Variants in COL26A1 observed in about 807,000 individuals in gnomAD.
COL26A1 encodes collagen type XXVI alpha 1 chain.
Under a neutral mutation model 59.3 loss-of-function variants are expected in COL26A1, and 41 were observed. That is an observed-to-expected ratio of 0.69 (90% confidence interval 0.54 to 0.90). The LOEUF (loss-of-function observed/expected upper bound fraction) is 0.90, where lower values mean the gene tolerates loss of function less well. Ranked by LOEUF, COL26A1 falls within the 40% of genes least tolerant of loss-of-function variation. The pLI, the probability that COL26A1 is intolerant of heterozygous loss-of-function variation, is 0.00. For synonymous variants in COL26A1, 266 were observed against 256.0 expected, an observed-to-expected ratio of 1.04 and a Z score of -0.37; for missense variants, 612 against 602.3, an observed-to-expected ratio of 1.02 and a Z score of -0.17.
chr7:101,518,195 T>C (rs1795070401), intron 3 of COL26A1, among the ~76,000 whole-genome samples: 1 of 152,154 alleles, frequency 6.6e-6, no homozygotes, highest in Admixed American at 6.5e-5. Context: ...TCTTGCTGTA[T>C]TTTTGGGAAT....
chr7:101,367,897 G>A (rs1373630236), intron 1 of COL26A1, among the ~76,000 whole-genome samples: 1 of 152,188 alleles, frequency 6.6e-6, no homozygotes, highest in African/African-American at 2.4e-5. Flanking sequence ...CGGCAACCTT[G>A]AGCTGACTAA....
At chr7:101,370,328 A>G (rs183601565) in intron 1 of COL26A1, among the ~76,000 whole-genome samples, 1 of 152,278 alleles carries the variant, frequency 6.6e-6, no homozygotes, top group East Asian at 1.9e-4. Context: ...ATTTAAAAGT[A>G]TAAAATCAAG....
intron 1 of COL26A1, among the ~76,000 whole-genome samples, chr7:101,408,511 G>T (rs755418639): frequency 2.6e-5 from 4 of 152,180 alleles, no homozygotes; most frequent in Non-Finnish European, 5.9e-5. Flanking sequence ...TCTCAATGCA[G>T]GGGATCTGGG....
At chr7:101,381,316 C>T (rs1288911763) in intron 1 of COL26A1, among the ~76,000 whole-genome samples, 1 of 152,120 alleles carries the variant, frequency 6.6e-6, no homozygotes, top group African/African-American at 2.4e-5. Context: ...CCTCCTTTCT[C>T]TCTGACTTTG....
chr7:101,517,448 G>C (rs1261893473), intron 3 of COL26A1, among the ~76,000 whole-genome samples: 1 of 152,152 alleles, frequency 6.6e-6, no homozygotes, highest in East Asian at 1.9e-4. Context: ...GAGGTGACTT[G>C]CTCCTCCTTG....
At chr7:101,424,636 A>T (rs1189705714) in intron 2 of COL26A1, among the ~76,000 whole-genome samples, 1 of 152,168 alleles carries the variant, frequency 6.6e-6, no homozygotes, top group Non-Finnish European at 1.5e-5. Flanking sequence ...GGAGAGGTTA[A>T]CACAGTTTTC....
chr7:101,547,279 C>G (rs1735772104), intron 8 of COL26A1, 40 bp downstream of exon 8: 14 of 1,426,076 alleles, frequency 9.8e-6, no homozygotes, highest in African/African-American at 1.4e-5. Context: ...AGGACTCCAT[C>G]CCCCCAGGGC....
At chr7:101,484,946 C>T (rs891527312) in intron 3 of COL26A1, among the ~76,000 whole-genome samples, 3 of 152,080 alleles carry the variant, frequency 2.0e-5, no homozygotes, top group Non-Finnish European at 4.4e-5. Context: ...CCTCTGCCTC[C>T]TGGGTTCAGA....
chr7:101,443,563 GAAGTT>G (rs760966783), intron 2 of COL26A1, among the ~76,000 whole-genome samples: 14 of 152,146 alleles, frequency 9.2e-5, no homozygotes, highest in Admixed American at 7.2e-4. Context: ...TAAATTTTGT[GAAGTT>G]ATGTAGTTTT....
chr7:101,447,622 C>T, intron 2 of COL26A1, 62 bp from the exon 3 acceptor site: 1 of 1,139,094 alleles, frequency 8.8e-7, no homozygotes, highest in Non-Finnish European at 1.3e-6. Context: ...ATCTTTGCAG[C>T]AGTGGGGTCT....
intron 4 of COL26A1, among the ~76,000 whole-genome samples, chr7:101,536,616 C>G (rs1795488652): frequency 6.6e-6 from 1 of 152,240 alleles, no homozygotes; most frequent in African/African-American, 2.4e-5. Context: ...AAAACAGCAG[C>G]AACCCAGAGC....
intron 10 of COL26A1, among the ~76,000 whole-genome samples, chr7:101,553,040 C>T (rs377146999): frequency 2.0e-5 from 3 of 152,200 alleles, no homozygotes; most frequent in East Asian, 1.9e-4. Context: ...ATGAACTTGC[C>T]GGCTTCCTAG....
chr7:101,505,167 C>T (rs894015385), intron 3 of COL26A1, among the ~76,000 whole-genome samples: 6 of 151,518 alleles, frequency 4.0e-5, no homozygotes, highest in South Asian at 2.1e-4. Context: ...TGGGTGTGCA[C>T]GTGTGTAGAT....
chr7:101,444,822 T>C (rs1345345216), intron 2 of COL26A1, among the ~76,000 whole-genome samples: 1 of 146,136 alleles, frequency 6.8e-6, no homozygotes, highest in Admixed American at 7.3e-5. Flanking sequence ...GAGGGGACTT[T>C]ATTTTTTATT....
intron 3 of COL26A1, among the ~76,000 whole-genome samples, chr7:101,517,798 A>ATTTTTTTTTTTTTTTT (rs869245512): frequency 1.3e-5 from 1 of 76,892 alleles, no homozygotes; most frequent in Admixed American, 1.7e-4. Flanking sequence ...TTCTCCCCGC[A>ATTTTTTTTTTTTTTTT]TTTTTTTTTT....
At chr7:101,444,420 T>C (rs973743802) in intron 2 of COL26A1, among the ~76,000 whole-genome samples, 13 of 148,414 alleles carry the variant, frequency 8.8e-5, no homozygotes, top group African/African-American at 1.5e-4. Context: ...CTTTCTTCTT[T>C]TTTTTTTTTT....
At chr7:101,387,045 C>G (rs939588039) in intron 1 of COL26A1, among the ~76,000 whole-genome samples, 1 of 152,132 alleles carries the variant, frequency 6.6e-6, no homozygotes, top group Admixed American at 6.6e-5. Flanking sequence ...GCCTGCTTTG[C>G]TGACAGCGGG....
intron 4 of COL26A1, among the ~76,000 whole-genome samples, chr7:101,538,233 C>T (rs1368714292): frequency 2.0e-5 from 3 of 152,174 alleles, no homozygotes; most frequent in African/African-American, 7.2e-5. Flanking sequence ...GTGGCTGGGG[C>T]AGGAATCGGA....
intron 3 of COL26A1, among the ~76,000 whole-genome samples, chr7:101,469,134 A>G (rs1584435156): frequency 6.6e-6 from 1 of 152,162 alleles, no homozygotes; most frequent in Non-Finnish European, 1.5e-5. Context: ...GGCCCTGGGG[A>G]CACTGTAGGG....
Sources: allele counts gnomAD v4.1 joint callset (sites outside exome capture counted in the v4.1 genomes callset), GRCh38; gene constraint gnomAD v4.1.1; transcripts MANE v1.5; gene names NCBI Gene and HGNC (gene_info 2026-07-23, HGNC 2026-07-21).